TOP6BL: variants seen among roughly 807,000 people sequenced by gnomAD.
TOP6BL encodes the protein type 2 DNA topoisomerase 6 subunit B-like.
the TOP6BL span, among the ~76,000 whole-genome samples, chr11:66,827,930 A>G: frequency 2.9e-5 from 4 of 136,018 alleles, no homozygotes; most frequent in Non-Finnish European, 6.1e-5. Flanking sequence ...GTGCCACTGC[A>G]CTCCAGCCTG....
chr11:66,780,186 A>G, the TOP6BL span, among the ~76,000 whole-genome samples: 1 of 152,154 alleles, frequency 6.6e-6, no homozygotes, highest in Admixed American at 6.6e-5. Context: ...TTGGCAAAAG[A>G]ATAGGTAAAT....
At chr11:66,750,284 A>C in the TOP6BL span, among the ~76,000 whole-genome samples, 1 of 152,116 alleles carries the variant, frequency 6.6e-6, no homozygotes, top group African/African-American at 2.4e-5. Flanking sequence ...GTAGTGGCTC[A>C]TGCCTGTAAC....
At chr11:66,762,446 C>T in the TOP6BL span, 1 of 297,612 alleles carries the variant, frequency 3.4e-6, no homozygotes, top group East Asian at 1.3e-4. Context: ...ACAACCCAGG[C>T]CTAGGTACCC....
chr11:66,808,485 G>C, the TOP6BL span, among the ~76,000 whole-genome samples: 1 of 151,722 alleles, frequency 6.6e-6, no homozygotes, highest in Non-Finnish European at 1.5e-5. Flanking sequence ...CCATGATCGT[G>C]CCATTGCCCT....
chr11:66,791,082 T>C, the TOP6BL span, among the ~76,000 whole-genome samples: 1 of 152,146 alleles, frequency 6.6e-6, no homozygotes, highest in Admixed American at 6.6e-5. Context: ...AAAGGGAGAT[T>C]GTAAAAGATT....
At chr11:66,772,755 A>G in the TOP6BL span, among the ~76,000 whole-genome samples, 1 of 152,172 alleles carries the variant, frequency 6.6e-6, no homozygotes, top group Non-Finnish European at 1.5e-5. Flanking sequence ...GTATTGTTAG[A>G]TTTGATTTGC....
At chr11:66,770,298 G>A in the TOP6BL span, among the ~76,000 whole-genome samples, 4 of 152,202 alleles carry the variant, frequency 2.6e-5, no homozygotes, top group African/African-American at 9.6e-5. Flanking sequence ...TTGTTATGGC[G>A]GCTTGAGTGG....
chr11:66,800,868 T>C, the TOP6BL span, among the ~76,000 whole-genome samples: 1 of 152,238 alleles, frequency 6.6e-6, no homozygotes, highest in African/African-American at 2.4e-5. Context: ...CATCCCTGTC[T>C]CTAGAGGGGG....
At chr11:66,824,834 T>C in the TOP6BL span, among the ~76,000 whole-genome samples, 96 of 152,190 alleles carry the variant, frequency 6.3e-4, 1 homozygote, top group South Asian at 0.019. Flanking sequence ...ATTTTCTTAA[T>C]CCAGTCTATC....
the TOP6BL span, among the ~76,000 whole-genome samples, chr11:66,764,537 C>T: frequency 2.0e-5 from 3 of 150,308 alleles, no homozygotes; most frequent in Non-Finnish European, 4.4e-5. Flanking sequence ...TGGTAGTGGG[C>T]ACCTGTAACC....
the TOP6BL span, among the ~76,000 whole-genome samples, chr11:66,804,391 T>A: frequency 6.6e-6 from 1 of 152,188 alleles, no homozygotes; most frequent in Non-Finnish European, 1.5e-5. Flanking sequence ...ATGCCATGCG[T>A]TTTTCATACA....
At chr11:66,750,206 G>A in the TOP6BL span, among the ~76,000 whole-genome samples, 1 of 151,492 alleles carries the variant, frequency 6.6e-6, no homozygotes, top group Non-Finnish European at 1.5e-5. Context: ...CATTTTTTTT[G>A]TAAAAAAATG....
At chr11:66,786,022 G>A in the TOP6BL span, among the ~76,000 whole-genome samples, 14 of 152,198 alleles carry the variant, frequency 9.2e-5, no homozygotes, top group Non-Finnish European at 2.1e-4. Flanking sequence ...CTTCTGGCCA[G>A]ATATGGTGGC....
chr11:66,825,748 A>C, the TOP6BL span, among the ~76,000 whole-genome samples: 1 of 152,176 alleles, frequency 6.6e-6, no homozygotes, highest in South Asian at 2.1e-4. Flanking sequence ...CATACGGTAG[A>C]TTCTCAATAA....
At chr11:66,752,504 T>G in the TOP6BL span, among the ~76,000 whole-genome samples, 1 of 151,814 alleles carries the variant, frequency 6.6e-6, no homozygotes, top group African/African-American at 2.4e-5. Flanking sequence ...CAGGGTGGAG[T>G]GTAGTGGCAT....
chr11:66,825,316 TA>T, the TOP6BL span, among the ~76,000 whole-genome samples: 348 of 134,944 alleles, frequency 2.6e-3, no homozygotes, highest in Admixed American at 3.4e-3. Flanking sequence ...CTGTCACTAC[TA>T]AAAAAAAAAA....
chr11:66,818,406 G>A, the TOP6BL span, among the ~76,000 whole-genome samples: 1 of 152,040 alleles, frequency 6.6e-6, no homozygotes, highest in South Asian at 2.1e-4. Flanking sequence ...TTGGTGTACC[G>A]CCGTTCTGAT....
At chr11:66,751,498 A>ATT in the TOP6BL span, among the ~76,000 whole-genome samples, 1,439 of 135,842 alleles carry the variant, frequency 0.011, 35 homozygotes, top group African/African-American at 0.036. Context: ...TGGCTGACTA[A>ATT]TTTTTTTTTT....
chr11:66,812,123 A>G, the TOP6BL span, among the ~76,000 whole-genome samples: 2 of 152,104 alleles, frequency 1.3e-5, no homozygotes, highest in African/African-American at 4.8e-5. Flanking sequence ...TAAACAACCC[A>G]ATTATAAGAC....
Sources: gnomAD v4.1 joint callset for allele counts (sites outside exome capture counted in the v4.1 genomes callset) on GRCh38, gnomAD v4.1.1 for gene constraint, MANE v1.5 for transcripts, NCBI Gene and HGNC (gene_info 2026-07-23, HGNC 2026-07-21) for gene names.